Variants in RIC3 observed in about 807,000 individuals in gnomAD.
RIC3 encodes RIC3 acetylcholine receptor chaperone.
A neutral mutation model predicts 27.3 loss-of-function variants in RIC3; 28 were observed. The observed-to-expected ratio is 1.02, with a 90% CI of 0.76 to 1.41. The LOEUF (loss-of-function observed/expected upper bound fraction) is 1.41, where lower values mean the gene tolerates loss of function less well. RIC3 is among the 40% of genes most tolerant of loss of function. The pLI is 0.00. For missense variants in RIC3, 501 were observed against 444.7 expected (o/e 1.13, Z -1.14); for synonymous variants, 184 against 160.4 (o/e 1.15, Z -1.11).
At chr11:8,152,802 C>G (rs1035487964) in intron 1 of RIC3, among the ~76,000 whole-genome samples, 1 of 151,766 alleles carries the variant, frequency 6.6e-6, no homozygotes, top group East Asian at 1.9e-4. Flanking sequence ...GTTTGATACT[C>G]TCATATGCTT....
rs766251777 is a variant in RIC3, at chr11:8,126,821, G to C, written c.522-14C>G. 1.2e-6 allele frequency: 2 copies of C among 1,613,806 alleles called. No individual in the cohort carries two copies. The highest frequency in any genetic ancestry group is 1.7e-5 in the Admixed American group (1 of 60,008). ...GTCTGTGCTCTGCTTAGAAATATCA[G>C]ACAATCCAACCATTTAGTGGTAAAT... On this transcript the variant is annotated splice_polypyrimidine_tract_variant and intron_variant, in intron 4 of 5. Coordinates refer to ENST00000309737, the MANE Select transcript of RIC3 (RefSeq NM_001206671.4).
intron 1 of RIC3, among the ~76,000 whole-genome samples, chr11:8,150,559 C>A (rs960080421): frequency 6.6e-6 from 1 of 151,756 alleles, no homozygotes; most frequent in Non-Finnish European, 1.5e-5. Context: ...TCTAAGCTAC[C>A]TAAATGACAA....
intron 5 of RIC3, among the ~76,000 whole-genome samples, chr11:8,126,166 G>C (rs1301972359): frequency 6.6e-6 from 1 of 152,190 alleles, no homozygotes; most frequent in Non-Finnish European, 1.5e-5. Context: ...AGCTGCTTGA[G>C]TCATAAGAGT....
chr11:8,165,773 T>A (rs79339244), intron 1 of RIC3, among the ~76,000 whole-genome samples: 2 of 106,878 alleles, frequency 1.9e-5, no homozygotes, highest in African/African-American at 1.1e-4. Context: ...GGGGTTTTTT[T>A]TTTGTTTTGT....
chr11:8,122,464 T>C (rs749374850), intron 5 of RIC3, among the ~76,000 whole-genome samples: 6 of 152,184 alleles, frequency 3.9e-5, no homozygotes, highest in Admixed American at 1.3e-4. Context: ...TGTATATATA[T>C]ATGTACCACA....
chr11:8,148,548 T>A (rs1239704928), intron 1 of RIC3, among the ~76,000 whole-genome samples: 1 of 152,064 alleles, frequency 6.6e-6, no homozygotes, highest in Non-Finnish European at 1.5e-5. Context: ...AACAAAAAAA[T>A]TAAAAATTAA....
chr11:8,125,982 C>A lies in RIC3; in HGVS notation c.670+677G>T, dbSNP rs200966865. On this transcript the variant is annotated intron_variant, in intron 5 of 5. Transcript: ENST00000309737. ...TGAACCCACGAGGTAGAGGTTGCAG[C>A]GAGCTGAGATTGCTCTGCAAACTCC... 5.3e-5 allele frequency among the ~76,000 whole-genome samples: 8 copies of A among 152,118 alleles called. No homozygotes were observed. The East Asian group carries it at 7.7e-4, about 15-fold the overall frequency.
chr11:8,121,575 G>A (rs983098558), intron 5 of RIC3, among the ~76,000 whole-genome samples: 1 of 151,992 alleles, frequency 6.6e-6, no homozygotes, highest in Non-Finnish European at 1.5e-5. Context: ...AATTAGCTGG[G>A]CATGGTGGCA....
rs374488562 is a variant in RIC3 at position 8,130,840 on chromosome 11, G to A, written c.522-4033C>T. On this transcript the variant is annotated intron_variant, in intron 4 of 5. Transcript: ENST00000309737. ...GAGGCAAAAAGGTACAGGTATTTTAGAGGAACAGCAAGTGGTCAGTGTGGC... is the reference window on the plus strand; with the variant it reads ...GAGGCAAAAAGGTACAGGTATTTTAAAGGAACAGCAAGTGGTCAGTGTGGC... Among the ~76,000 whole-genome samples, 116 of 152,206 alleles carry A rather than the reference G, an allele frequency of 7.6e-4. 1 individual carries two copies. In the South Asian group the frequency reaches 0.024, roughly 31 times the overall value.
chr11:8,164,771 C>T (rs1380341125), intron 1 of RIC3, among the ~76,000 whole-genome samples: 1 of 128,082 alleles, frequency 7.8e-6, no homozygotes, highest in African/African-American at 3.0e-5. Flanking sequence ...GAGTGAGACC[C>T]TGTCTCTCTC....
chr11:8,133,398 G>C (rs1312293688), intron 4 of RIC3, among the ~76,000 whole-genome samples: 1 of 152,178 alleles, frequency 6.6e-6, no homozygotes, highest in African/African-American at 2.4e-5. Context: ...AGTCCCATAG[G>C]GCCTACCTGT....
intron 1 of RIC3, among the ~76,000 whole-genome samples, chr11:8,161,550 T>C (rs1340655382): frequency 6.6e-6 from 1 of 152,242 alleles, no homozygotes; most frequent in African/African-American, 2.4e-5. Context: ...CTTTGGGAAC[T>C]CCTCTCAACT....
rs140175472 is a variant in RIC3, at chr11:8,112,204, C to T, written c.671-1067G>A. Among the ~76,000 whole-genome samples the T allele has an allele frequency of 3.4e-4, 52 of 152,140 alleles. No homozygotes were observed. The East Asian group carries it at 0.01, about 29-fold the overall frequency. ...TTTAAAAAAGAAAACACAAATCACC[C>T]ATAATATCTTCACTCATAATAATTT... On this transcript the variant is annotated intron_variant, in intron 5 of 5. Coordinates refer to ENST00000309737, the MANE Select transcript of RIC3 (RefSeq NM_001206671.4).
chr11:8,110,332 C>G lies in RIC3; in HGVS notation c.*366G>C, dbSNP rs1160742993. On this transcript the variant is annotated 3_prime_UTR_variant, in exon 6 of 6. Coordinates refer to ENST00000309737, the MANE Select transcript of RIC3 (RefSeq NM_001206671.4). Reference sequence around the variant, plus strand: ...ACCTTAAGTCCTCATCATCTGTAAGCTGATGTTCGTTCACAGGTGAACTAT... The same window carrying G: ...ACCTTAAGTCCTCATCATCTGTAAGGTGATGTTCGTTCACAGGTGAACTAT... The G allele has an allele frequency of 2.7e-6, 1 of 364,486 alleles. No individual in the cohort carries two copies. The highest frequency in any genetic ancestry group is 5.3e-6 in the Non-Finnish European group (1 of 189,934). The allele number at this position is 364,486 out of a possible 1,614,324, so 22.6% of individuals were successfully genotyped here.
chr11:8,100,608 G>A, the RIC3 span: 21 of 1,612,474 alleles, frequency 1.3e-5, 1 homozygote, highest in South Asian at 1.5e-4. Flanking sequence ...CAACGTGAGT[G>A]TCTACCCCTT....
chr11:8,164,017 A>G (rs1046893344), intron 1 of RIC3, among the ~76,000 whole-genome samples: 1 of 152,234 alleles, frequency 6.6e-6, no homozygotes, highest in Admixed American at 6.5e-5. Flanking sequence ...TTAATGTAAT[A>G]TAATTGAGAG....
chr11:8,134,571 A>T (rs567583043), intron 4 of RIC3, among the ~76,000 whole-genome samples: 1 of 152,346 alleles, frequency 6.6e-6, no homozygotes, highest in East Asian at 1.9e-4. Flanking sequence ...GAATCGTCAC[A>T]CTGTCTTCCA....
chr11:8,101,429 T>C, downstream of RIC3: 1 of 1,606,480 alleles, frequency 6.2e-7, no homozygotes, highest in Non-Finnish European at 8.5e-7. Context: ...TATCCTTCCC[T>C]GGCTCTACCA....
intron 4 of RIC3, among the ~76,000 whole-genome samples, chr11:8,130,251 C>T (rs1947524311): frequency 6.6e-6 from 1 of 151,336 alleles, no homozygotes; most frequent in East Asian, 1.9e-4. Context: ...GGGATTGATT[C>T]AGGGATAGAT....
Sources: allele counts gnomAD v4.1 joint callset (sites outside exome capture counted in the v4.1 genomes callset), GRCh38; gene constraint gnomAD v4.1.1; transcripts MANE v1.5; gene names NCBI Gene and HGNC (gene_info 2026-07-23, HGNC 2026-07-21).